The following IMMP2L variants were observed in gnomAD, a reference collection of about 807,000 sequenced individuals.
IMMP2L encodes the protein mitochondrial inner membrane protease subunit 2.
IMMP2L carries 18 observed loss-of-function variants against 19.3 expected under a neutral mutation model. The observed-to-expected ratio is 0.93, with a 90% confidence interval of 0.64 to 1.38. The LOEUF (loss-of-function observed/expected upper bound fraction) is 1.38, where lower values mean the gene tolerates loss of function less well. IMMP2L is among the 40% of genes most tolerant of loss of function. The pLI, the probability that IMMP2L is intolerant of heterozygous loss-of-function variation, is 0.00. For synonymous variants in IMMP2L, 76 were observed against 73.0 expected (o/e 1.04, Z -0.21); for missense variants, 233 against 218.2 (o/e 1.07, Z -0.43).
chr7:111,445,105 T>C (rs1838185476), intron 3 of IMMP2L, among the ~76,000 whole-genome samples: 1 of 152,098 alleles, frequency 6.6e-6, no homozygotes, highest in Non-Finnish European at 1.5e-5. Flanking sequence ...AAATGACCTA[T>C]GTGAGAAAGT....
intron 3 of IMMP2L, among the ~76,000 whole-genome samples, chr7:111,344,471 A>G (rs141411468): frequency 6.6e-6 from 1 of 152,138 alleles, no homozygotes; most frequent in Non-Finnish European, 1.5e-5. Flanking sequence ...TTTCTCTATT[A>G]CCCATTCACT....
intron 3 of IMMP2L, among the ~76,000 whole-genome samples, chr7:111,259,691 C>T (rs971318742): frequency 1.3e-5 from 2 of 151,798 alleles, no homozygotes; most frequent in Non-Finnish European, 2.9e-5. Context: ...CTTAACTTAC[C>T]GCATATTTTT....
intron 4 of IMMP2L, among the ~76,000 whole-genome samples, chr7:110,915,141 G>A (rs771061319): frequency 6.6e-6 from 1 of 152,264 alleles, no homozygotes; most frequent in East Asian, 1.9e-4. Context: ...CTGCTCCCCC[G>A]TGTTCGCTGC....
At chr7:111,300,976 G>A (rs531573282) in intron 3 of IMMP2L, among the ~76,000 whole-genome samples, 5 of 152,156 alleles carry the variant, frequency 3.3e-5, no homozygotes, top group South Asian at 2.1e-4. Context: ...TTGCTGGGTC[G>A]TATGGTAATT....
intron 4 of IMMP2L, chr7:110,962,946 T>C: frequency 1.4e-6 from 2 of 1,425,216 alleles, no homozygotes. Flanking sequence ...ACAATTGTTC[T>C]TGATTTATCA....
intron 5 of IMMP2L, among the ~76,000 whole-genome samples, chr7:110,801,483 T>C (rs1031073765): frequency 8.5e-5 from 13 of 152,084 alleles, no homozygotes; most frequent in African/African-American, 3.1e-4. Context: ...CACTGAACAA[T>C]AAGGATTGCC....
chr7:111,126,299 A>AAGATTTTAAAATT (rs1290297513), intron 3 of IMMP2L, among the ~76,000 whole-genome samples: 1 of 152,206 alleles, frequency 6.6e-6, no homozygotes, highest in African/African-American at 2.4e-5. Flanking sequence ...GTTTCAGTCC[A>AAGATTTTAAAATT]ACACTAAGAT....
intron 3 of IMMP2L, among the ~76,000 whole-genome samples, chr7:111,135,997 A>T (rs1802296058): frequency 6.6e-6 from 1 of 152,062 alleles, no homozygotes; most frequent in Admixed American, 6.6e-5. Context: ...ATTATATAGT[A>T]AATAGTAGGT....
At chr7:110,953,316 T>G (rs1049704401) in intron 4 of IMMP2L, among the ~76,000 whole-genome samples, 2 of 151,986 alleles carry the variant, frequency 1.3e-5, no homozygotes, top group Admixed American at 1.3e-4. Flanking sequence ...TCCCTCTCCT[T>G]GTCCCCCACC....
intron 3 of IMMP2L, among the ~76,000 whole-genome samples, chr7:111,372,334 T>C (rs1185141125): frequency 1.3e-5 from 2 of 151,950 alleles, no homozygotes; most frequent in African/African-American, 4.8e-5. Flanking sequence ...TTTGGAATAA[T>C]ACTTCCTTTA....
intron 3 of IMMP2L, among the ~76,000 whole-genome samples, chr7:111,342,583 T>C (rs1272489532): frequency 6.6e-6 from 1 of 151,776 alleles, no homozygotes; most frequent in Non-Finnish European, 1.5e-5. Flanking sequence ...AGAGTGAGAC[T>C]CCATCTCAAA....
intron 3 of IMMP2L, among the ~76,000 whole-genome samples, chr7:111,200,863 C>T (rs762122042): frequency 6.6e-6 from 1 of 152,132 alleles, no homozygotes; most frequent in Non-Finnish European, 1.5e-5. Context: ...ATTAACATAA[C>T]TGCCAATAGT....
At chr7:111,103,023 A>T (rs1798147111) in intron 3 of IMMP2L, among the ~76,000 whole-genome samples, 1 of 151,594 alleles carries the variant, frequency 6.6e-6, no homozygotes, top group African/African-American at 2.4e-5. Flanking sequence ...CTTTTTTAAG[A>T]CTACAGTGTC....
intron 3 of IMMP2L, chr7:111,411,376 A>G: frequency 4.3e-6 from 2 of 461,114 alleles, no homozygotes; most frequent in South Asian, 1.6e-5. Context: ...TCTCAAGATC[A>G]AGTTCAAAAA....
At chr7:111,555,210 A>G (rs893108207) in intron 1 of IMMP2L, among the ~76,000 whole-genome samples, 3 of 152,132 alleles carry the variant, frequency 2.0e-5, no homozygotes, top group African/African-American at 7.2e-5. Flanking sequence ...CTCCTAGCAG[A>G]CACTCCTGTG....
chr7:111,498,825 G>A (rs1347266975), intron 2 of IMMP2L, among the ~76,000 whole-genome samples: 2 of 152,032 alleles, frequency 1.3e-5, no homozygotes, highest in Non-Finnish European at 2.9e-5. Flanking sequence ...CACTACAAAT[G>A]TGTATCAACA....
At chr7:111,188,336 A>C (rs1808495602) in intron 3 of IMMP2L, among the ~76,000 whole-genome samples, 1 of 152,158 alleles carries the variant, frequency 6.6e-6, no homozygotes, top group Non-Finnish European at 1.5e-5. Flanking sequence ...TGGAAGGCTG[A>C]GATCAGAATG....
intron 5 of IMMP2L, among the ~76,000 whole-genome samples, chr7:110,777,948 A>C (rs1271720357): frequency 6.6e-6 from 1 of 151,972 alleles, no homozygotes; most frequent in Non-Finnish European, 1.5e-5. Context: ...AACATTTTCT[A>C]ACTGATGGAC....
intron 4 of IMMP2L, among the ~76,000 whole-genome samples, chr7:110,944,538 G>A (rs1817061180): frequency 6.7e-6 from 1 of 149,992 alleles, no homozygotes; most frequent in Non-Finnish European, 1.5e-5. Context: ...TGTAGGCAGG[G>A]TCCTGAGGAT....
Sources: allele counts gnomAD v4.1 joint callset (sites outside exome capture counted in the v4.1 genomes callset), GRCh38; gene constraint gnomAD v4.1.1; transcripts MANE v1.5; gene names NCBI Gene and HGNC (gene_info 2026-07-23, HGNC 2026-07-21).